TNKS: variants seen among roughly 807,000 people sequenced by gnomAD.
TNKS encodes tankyrase.
A neutral mutation model predicts 135.8 loss-of-function variants in TNKS; 72 were observed. The ratio of observed to expected loss-of-function variants is 0.53; its 90% CI spans 0.44 to 0.64. TNKS has a LOEUF of 0.64. Among genes scored for constraint, TNKS ranks in the 30% least tolerant of loss-of-function variants. The probability of loss-of-function intolerance (pLI) is 0.00; values close to 1 mark genes in which losing one functional copy is unlikely to be tolerated. For missense variants in TNKS, 1,769 were observed against 1,674.0 expected (o/e 1.06, Z -0.99); for synonymous variants, 849 against 649.3 (o/e 1.31, Z -4.68).
At chr8:9,676,867 A>G (rs866291033) in intron 3 of TNKS, among the ~76,000 whole-genome samples, 49 of 152,094 alleles carry the variant, frequency 3.2e-4, no homozygotes, top group African/African-American at 1.0e-3. Context: ...TATTTTCTTC[A>G]TTCCTGGTTG....
intron 3 of TNKS, among the ~76,000 whole-genome samples, chr8:9,657,889 T>C (rs374539629): frequency 8.4e-4 from 77 of 91,786 alleles, no homozygotes; most frequent in African/African-American, 1.2e-3. Flanking sequence ...TCAGACGGGG[T>C]GGTTGCCAGG....
chr8:9,647,720 C>T (rs2128779575), intron 3 of TNKS, among the ~76,000 whole-genome samples: 1 of 152,184 alleles, frequency 6.6e-6, no homozygotes, highest in South Asian at 2.1e-4. Flanking sequence ...ATCTTATATT[C>T]ATTATATTTC....
chr8:9,761,506 C>A lies in TNKS; in HGVS notation c.3154-10C>A. On this transcript the variant is annotated splice_polypyrimidine_tract_variant and intron_variant, in intron 20 of 26. Coordinates refer to ENST00000310430, the MANE Select transcript of TNKS (RefSeq NM_003747.3). ...AAAGATATCCTAGCTAATTTTGTTT[C>A]ATTTTTCAGATTACACTAGATGTGT... 2 of 1,611,908 alleles carry A rather than the reference C, an allele frequency of 1.2e-6. No individual in the cohort carries two copies. Among genetic ancestry groups the A allele is most frequent in the South Asian group, 2.2e-5 (2 of 90,346 alleles).
intron 3 of TNKS, among the ~76,000 whole-genome samples, chr8:9,627,811 GT>G (rs1470523515): frequency 6.6e-6 from 1 of 152,084 alleles, no homozygotes; most frequent in Admixed American, 6.5e-5. Flanking sequence ...TCTCAAGTGT[GT>G]TTTTATCCTT....
At chr8:9,767,442 A>G (rs988682182) in intron 25 of TNKS, among the ~76,000 whole-genome samples, 1 of 152,222 alleles carries the variant, frequency 6.6e-6, no homozygotes, top group Non-Finnish European at 1.5e-5. Context: ...GGTTAATAAG[A>G]TACTTTGTAA....
At chr8:9,656,222 A>G (rs1412903210) in intron 3 of TNKS, among the ~76,000 whole-genome samples, 1 of 152,250 alleles carries the variant, frequency 6.6e-6, no homozygotes, top group Non-Finnish European at 1.5e-5. Context: ...AAAGCCTCCA[A>G]GAAATATGGA....
At chr8:9,577,262 G>A (rs1402897549) in intron 1 of TNKS, among the ~76,000 whole-genome samples, 1 of 151,996 alleles carries the variant, frequency 6.6e-6, no homozygotes, top group Non-Finnish European at 1.5e-5. Flanking sequence ...CTACTTTGAG[G>A]CATTTATCTT....
intron 3 of TNKS, among the ~76,000 whole-genome samples, chr8:9,661,940 C>G (rs927571745): frequency 1.3e-5 from 2 of 152,202 alleles, no homozygotes; most frequent in African/African-American, 4.8e-5. Flanking sequence ...TGAACAGACA[C>G]TTCTCAAAAG....
intron 3 of TNKS, among the ~76,000 whole-genome samples, chr8:9,665,535 G>A (rs1277906353): frequency 3.3e-5 from 5 of 152,210 alleles, no homozygotes; most frequent in African/African-American, 1.2e-4. Context: ...GAAATGGTCT[G>A]TATTTCTTAT....
At chr8:9,632,182 C>T (rs1441816464) in intron 3 of TNKS, among the ~76,000 whole-genome samples, 2 of 152,064 alleles carry the variant, frequency 1.3e-5, no homozygotes, top group African/African-American at 2.4e-5. Flanking sequence ...GCAGTTTTTG[C>T]CTCAAAGTTG....
intron 3 of TNKS, among the ~76,000 whole-genome samples, chr8:9,618,239 A>G (rs955293523): frequency 2.0e-5 from 3 of 152,120 alleles, no homozygotes; most frequent in African/African-American, 7.2e-5. Flanking sequence ...TGTCTGCCTG[A>G]CAGTCTCTTT....
intron 3 of TNKS, among the ~76,000 whole-genome samples, chr8:9,620,287 C>T (rs1423972031): frequency 6.6e-6 from 1 of 152,068 alleles, no homozygotes; most frequent in African/African-American, 2.4e-5. Context: ...TCCAACCTAT[C>T]AGTAATTCAG....
chr8:9,735,866 A>G (rs960975091), intron 17 of TNKS, among the ~76,000 whole-genome samples: 1 of 152,116 alleles, frequency 6.6e-6, no homozygotes, highest in Non-Finnish European at 1.5e-5. Context: ...ACTTTATTAA[A>G]TGCATACTAT....
intron 3 of TNKS, among the ~76,000 whole-genome samples, chr8:9,625,406 T>A (rs1039369408): frequency 1.3e-5 from 2 of 152,078 alleles, no homozygotes; most frequent in East Asian, 3.8e-4. Flanking sequence ...TTTTGTTTTT[T>A]ATTATTTCCT....
At chr8:9,572,686 G>T (rs562284218) in intron 1 of TNKS, among the ~76,000 whole-genome samples, 72 of 152,292 alleles carry the variant, frequency 4.7e-4, no homozygotes, top group African/African-American at 1.7e-3. Context: ...TGGGGCTGCT[G>T]TGCTATATAC....
Position 9,721,946 on chromosome 8 carries a change from G to A in TNKS, c.1921+1401G>A, listed in dbSNP as rs190561912. ...TGCGTGCCTGTAATTCCAGCTACTC[G>A]GGAGCCTGAGGCAGGAGAATCACTG... On this transcript the variant is annotated intron_variant, in intron 12 of 26. Coordinates refer to ENST00000310430, the MANE Select transcript of TNKS (RefSeq NM_003747.3). Among the ~76,000 whole-genome samples, 126 of 151,818 alleles carry A rather than the reference G, an allele frequency of 8.3e-4. 3 individuals are homozygous for A. Among genetic ancestry groups the A allele is most frequent in the Admixed American group, 3.6e-3 (55 of 15,248 alleles).
chr8:9,603,587 T>G (rs1045641130), intron 2 of TNKS, among the ~76,000 whole-genome samples: 6 of 152,230 alleles, frequency 3.9e-5, no homozygotes, highest in African/African-American at 1.4e-4. Flanking sequence ...TTCATTGTAC[T>G]AGAATACCTG....
At chr8:9,686,246 G>A (rs1352790111) in intron 5 of TNKS, among the ~76,000 whole-genome samples, 1 of 152,092 alleles carries the variant, frequency 6.6e-6, no homozygotes, top group Non-Finnish European at 1.5e-5. Context: ...GCAGCCATGT[G>A]ACGAGGTCCA....
At chr8:9,647,319 AG>A (rs911698674) in intron 3 of TNKS, among the ~76,000 whole-genome samples, 3 of 152,156 alleles carry the variant, frequency 2.0e-5, no homozygotes, top group African/African-American at 7.2e-5. Flanking sequence ...GGGATAGAAC[AG>A]TTGGATTTTG....
Sources: allele counts gnomAD v4.1 joint callset (sites outside exome capture counted in the v4.1 genomes callset), GRCh38; gene constraint gnomAD v4.1.1; transcripts MANE v1.5; gene names NCBI Gene and HGNC (gene_info 2026-07-23, HGNC 2026-07-21).